Variants in LRRK1 observed in about 807,000 individuals in gnomAD.
The protein encoded by LRRK1 is leucine-rich repeat serine/threonine-protein kinase 1.
Under a neutral mutation model 209.1 loss-of-function variants are expected in LRRK1, and 113 were observed. The ratio of observed to expected loss-of-function variants is 0.54; its 90% CI spans 0.46 to 0.63. The LOEUF (loss-of-function observed/expected upper bound fraction) is 0.63. Ranked by LOEUF, LRRK1 falls within the 30% of genes least tolerant of loss-of-function variation. The pLI is 0.00. For missense variants in LRRK1, 2,284 were observed against 2,632.2 expected, an observed-to-expected ratio of 0.87 and a Z score of 2.89; for synonymous variants, 1,144 against 1,099.7, an observed-to-expected ratio of 1.04 and a Z score of -0.80.
chr15:100,972,371 TG>T (rs1567208306), intron 2 of LRRK1, among the ~76,000 whole-genome samples: 21 of 137,314 alleles, frequency 1.5e-4, no homozygotes, highest in African/African-American at 4.8e-4. Context: ...AGAGTGTGTG[TG>T]TGTGTGTGTG....
intron 7 of LRRK1, among the ~76,000 whole-genome samples, chr15:101,009,544 G>A (rs1376848861): frequency 6.6e-6 from 1 of 152,166 alleles, no homozygotes; most frequent in Non-Finnish European, 1.5e-5. Context: ...CCCTGAGCTT[G>A]CATGGAAGGA....
Position 101,022,579 on chromosome 15 carries a change from G to T in LRRK1, c.2049G>T (p.Pro683=), listed in dbSNP as rs752281425. The T allele has an allele frequency of 6.2e-7, 1 of 1,611,740 alleles. No individual in the cohort carries two copies. Among genetic ancestry groups the T allele is most frequent in the East Asian group, 2.2e-5 (1 of 44,854 alleles). ...IRTTKWELQR[P]AGSRAKVESV... Reference sequence around the variant, plus strand: ...CCACCAAGTGGGAGCTCCAGAGGCCGGCTGGCTCGAGAGCCAAGGTCAAGG... The same window carrying T: ...CCACCAAGTGGGAGCTCCAGAGGCCTGCTGGCTCGAGAGCCAAGGTCAAGG... The change falls in exon 15 of 34, where the codon CCG becomes CCT. Residue 683 remains proline (P), a synonymous_variant. Transcript: ENST00000388948. The surrounding 1 kb of genome is among the most constrained non-coding windows in gnomAD (Gnocchi z 4.0).
chr15:101,031,040 A>G (rs2034257797), intron 20 of LRRK1, among the ~76,000 whole-genome samples: 1 of 152,184 alleles, frequency 6.6e-6, no homozygotes, highest in African/African-American at 2.4e-5. Context: ...TTCACTTAGA[A>G]TAATAGTCTC....
intron 4 of LRRK1, 50 bp from the exon 5 acceptor site, chr15:100,988,573 GAGTGGGAACAA>G: frequency 6.6e-7 from 1 of 1,513,518 alleles, no homozygotes; most frequent in South Asian, 1.1e-5. Context: ...GGGAAGAGCA[GAGTGGGAACAA>G]ACAGCACCCT....
At chr15:100,981,278 C>T (rs2031581161) in intron 3 of LRRK1, among the ~76,000 whole-genome samples, 1 of 152,154 alleles carries the variant, frequency 6.6e-6, no homozygotes, top group Admixed American at 6.5e-5. Context: ...AGCCTCTAAC[C>T]GACCGAGTCT....
In LRRK1 at chr15:100,994,579, G is replaced by C. The variant is rs576592982; in HGVS notation, c.762+5181G>C. Reference sequence around the variant, plus strand: ...GGTTGGCATAGAGCATGGAGGAAGCGATTACTGCATTTTGTGAATGAAAAG... The same window carrying C: ...GGTTGGCATAGAGCATGGAGGAAGCCATTACTGCATTTTGTGAATGAAAAG... On this transcript the variant is annotated intron_variant, in intron 6 of 33. Coordinates refer to ENST00000388948, the MANE Select transcript of LRRK1 (RefSeq NM_024652.6). Among the ~76,000 whole-genome samples, 8 of 152,332 alleles carry C rather than the reference G, an allele frequency of 5.3e-5. No homozygotes were observed. The East Asian group carries it at 1.5e-3, about 29-fold the overall frequency.
At chr15:101,063,320 C>CGGCACCCTCCCCA (rs1465011926) in intron 31 of LRRK1, among the ~76,000 whole-genome samples, 2 of 152,200 alleles carry the variant, frequency 1.3e-5, no homozygotes, top group African/African-American at 4.8e-5. Flanking sequence ...CTGCTGGGCC[C>CGGCACCCTCCCCA]GGCACCCTCC....
At position 101,029,107 on chromosome 15, in the gene LRRK1, T is replaced by C. The variant is rs2034167443; in HGVS notation, c.2838T>C (p.Asn946=). The C allele has an allele frequency of 6.2e-7, 1 of 1,614,082 alleles. No homozygotes were observed. The highest frequency in any genetic ancestry group is 8.5e-7 in the Non-Finnish European group (1 of 1,180,008). Residue 946 remains asparagine, a synonymous_variant, in exon 20 of 34, where the codon AAT becomes AAC. Coordinates refer to ENST00000388948, the MANE Select transcript of LRRK1 (RefSeq NM_024652.6). Reference sequence around the variant, plus strand: ...AGGGCTCTCGGTCAGTGGCCAAGAATGGGGTGATCAGAGCAGAAGACCTCA... The same window carrying C: ...AGGGCTCTCGGTCAGTGGCCAAGAACGGGGTGATCAGAGCAGAAGACCTCA... ...NIKGSRSVAK[N]GVIRAEDLRM... is the part of the protein sequence containing the mutation.
intron 4 of LRRK1, among the ~76,000 whole-genome samples, chr15:100,984,129 A>G (rs1420793416): frequency 3.9e-5 from 6 of 152,190 alleles, no homozygotes; most frequent in Non-Finnish European, 7.3e-5. Flanking sequence ...AGTAACTTCT[A>G]TTGAGATGGG....
intron 29 of LRRK1, among the ~76,000 whole-genome samples, chr15:101,058,616 A>ACG (rs1555479926): frequency 2.4e-4 from 1 of 4,248 alleles, no homozygotes; most frequent in African/African-American, 5.5e-4. Flanking sequence ...AGAAGGGGCA[A>ACG]CGGGGGGGGG....
chr15:101,061,735 G>C (rs569374717), intron 30 of LRRK1, among the ~76,000 whole-genome samples: 4 of 152,200 alleles, frequency 2.6e-5, no homozygotes, highest in Non-Finnish European at 5.9e-5. Flanking sequence ...GGCAGGCTAG[G>C]CACAGGGGCT....
At chr15:100,966,874 C>A (rs1024471989) in intron 2 of LRRK1, among the ~76,000 whole-genome samples, 1 of 152,234 alleles carries the variant, frequency 6.6e-6, no homozygotes, top group Non-Finnish European at 1.5e-5. Context: ...CTTGTAATCT[C>A]ATGGGCACCT....
chr15:100,931,070 A>T (rs563516680), intron 2 of LRRK1, among the ~76,000 whole-genome samples: 67 of 152,386 alleles, frequency 4.4e-4, no homozygotes, highest in Middle Eastern at 3.4e-3. Context: ...GACATTTGTC[A>T]TAAAAAAGAA....
chr15:100,967,864 A>G (rs1045380317), intron 2 of LRRK1, among the ~76,000 whole-genome samples: 3 of 152,228 alleles, frequency 2.0e-5, no homozygotes, highest in African/African-American at 7.2e-5. Context: ...CATGCATAGT[A>G]TGGACTAAGG....
In LRRK1 at chr15:101,046,213, T is replaced by C. The variant is rs190830958; in HGVS notation, c.3135+61T>C. 214 of 1,545,666 alleles carry C rather than the reference T, an allele frequency of 1.4e-4. No individual in the cohort carries two copies. The East Asian group carries it at 3.6e-3, about 26-fold the overall frequency. ...CGAGAGCCACCTACAGTTGTACCAC[T>C]GGGGGAGGGGAATGCCCTTTGCTGG... On this transcript the variant is annotated intron_variant, in intron 21 of 33. Transcript: ENST00000388948.
chr15:101,053,494 G>A (rs879773850), intron 26 of LRRK1, 74 bp downstream of exon 26: 71 of 1,347,414 alleles, frequency 5.3e-5, no homozygotes, highest in Non-Finnish European at 6.6e-5. Context: ...GGCACGGGGG[G>A]TAGAGCCTCA....
intron 32 of LRRK1, 128 bp downstream of exon 32, chr15:101,066,333 G>C (rs1237758806): frequency 3.0e-6 from 4 of 1,325,524 alleles, no homozygotes; most frequent in Non-Finnish European, 4.1e-6. Flanking sequence ...TCTTCCAAGA[G>C]GGTTGGTTTC....
chr15:101,020,581 A>C (rs1392682812), intron 12 of LRRK1, among the ~76,000 whole-genome samples: 2 of 151,928 alleles, frequency 1.3e-5, no homozygotes, highest in Non-Finnish European at 2.9e-5. Context: ...TTACCATCTT[A>C]GCCAGCCTGG....
chr15:100,929,237 G>A (rs2042166534), intron 2 of LRRK1, among the ~76,000 whole-genome samples: 1 of 151,856 alleles, frequency 6.6e-6, no homozygotes, highest in South Asian at 2.1e-4. Context: ...CGGAGGGTGG[G>A]TGGAACTTGA....
Sources: allele counts gnomAD v4.1 joint callset (sites outside exome capture counted in the v4.1 genomes callset), GRCh38; gene constraint gnomAD v4.1.1; non-coding constraint Gnocchi (gnomAD v3.1); transcripts MANE v1.5; gene names NCBI Gene and HGNC (gene_info 2026-07-23, HGNC 2026-07-21).